ANKRD26: variants seen among roughly 807,000 people sequenced by gnomAD.
ANKRD26 encodes the protein ankyrin repeat domain-containing protein 26.
In ANKRD26, 141 loss-of-function variants were observed where a neutral mutation model predicts 208.7. The ratio of observed to expected loss-of-function variants is 0.68; its 90% CI spans 0.59 to 0.78. ANKRD26 has a LOEUF of 0.78. Ranked by LOEUF, ANKRD26 falls within the 30% of genes least tolerant of loss-of-function variation. The pLI is 0.00. For synonymous variants in ANKRD26, 636 were observed against 660.4 expected, an observed-to-expected ratio of 0.96 and a Z score of 0.57; for missense variants, 1,889 against 1,938.7, an observed-to-expected ratio of 0.97 and a Z score of 0.48.
chr10:27,011,586 C>T (rs754825546), intron 32 of ANKRD26, among the ~76,000 whole-genome samples: 36 of 152,178 alleles, frequency 2.4e-4, no homozygotes, highest in Middle Eastern at 3.4e-3. Flanking sequence ...GAAATGAAGT[C>T]GTACTATGAG....
intron 32 of ANKRD26, among the ~76,000 whole-genome samples, chr10:27,011,940 C>T (rs1162315625): frequency 2.0e-5 from 3 of 152,296 alleles, no homozygotes; most frequent in African/African-American, 4.8e-5. Flanking sequence ...GTAATAGACA[C>T]ATTTTACAAA....
At position 27,044,232 on chromosome 10, in the gene ANKRD26, A is replaced by C. The variant is rs747893067; in HGVS notation, c.1986-42T>G. ...CCTTTCAGGCAAATAGTAAACATGT[A>C]AAATGCAAGGAATATCTAAAACTAT... On this transcript the variant is annotated intron_variant, in intron 18 of 33. Transcript: ENST00000376087. 3 of 1,393,074 alleles carry C rather than the reference A, an allele frequency of 2.2e-6. No homozygotes were observed. In the East Asian group the frequency reaches 7.7e-5, roughly 36 times the overall value. The allele number at this position is 1,393,074 out of a possible 1,614,324, so 86.3% of individuals were successfully genotyped here.
intron 19 of ANKRD26, 30 bp from the exon 20 acceptor site, chr10:27,043,597 G>C (rs745328137): frequency 6.3e-7 from 1 of 1,597,878 alleles, no homozygotes; most frequent in Non-Finnish European, 8.6e-7. Flanking sequence ...GTTTCAAAAT[G>C]TCCCCAGAAT....
At chr10:27,031,378 T>C (rs1190832552) in intron 25 of ANKRD26, among the ~76,000 whole-genome samples, 2 of 152,200 alleles carry the variant, frequency 1.3e-5, no homozygotes, top group South Asian at 2.1e-4. Flanking sequence ...AGTACTGATA[T>C]GTGCTACAAC....
rs559507483 is a variant in ANKRD26 at position 27,045,512 on chromosome 10, T to G, written c.1985+841A>C. 3.9e-5 allele frequency among the ~76,000 whole-genome samples: 6 copies of G among 152,272 alleles called. No homozygotes were observed. The South Asian group carries it at 1.2e-3, about 32-fold the overall frequency. On this transcript the variant is annotated intron_variant, in intron 18 of 33. Coordinates refer to ENST00000376087, the MANE Select transcript of ANKRD26 (RefSeq NM_014915.3). ...ACATGGTTTTTAATATTTTAGAACT[T>G]TATAATCTAAAAGTAATAGTCTGTG...
At chr10:26,979,249 A>C (rs1190043442) in intron 5 of ANKRD26, among the ~76,000 whole-genome samples, 2 of 152,122 alleles carry the variant, frequency 1.3e-5, no homozygotes, top group East Asian at 1.9e-4. Context: ...TAAAACCAAA[A>C]GGTCACATCA....
At chr10:26,960,237 A>G in the ANKRD26 span, among the ~76,000 whole-genome samples, 1 of 152,234 alleles carries the variant, frequency 6.6e-6, no homozygotes, top group Non-Finnish European at 1.5e-5. Flanking sequence ...AAGGTGGCAG[A>G]AATGACCCTG....
chr10:26,990,998 G>A (rs74337979), downstream of ANKRD26, among the ~76,000 whole-genome samples: 475 of 152,316 alleles, frequency 3.1e-3, 17 homozygotes, highest in East Asian at 0.071. Flanking sequence ...TGCCTGCGCA[G>A]AAGCAGACAA....
intron 30 of ANKRD26, among the ~76,000 whole-genome samples, chr10:27,016,272 A>T (rs935888620): frequency 2.6e-5 from 4 of 152,062 alleles, no homozygotes; most frequent in Admixed American, 2.6e-4. Context: ...TACAGGTGTG[A>T]GCTACCATGC....
Position 27,064,043 on chromosome 10 carries a change from A to T in ANKRD26, c.1308T>A (p.Pro436=). ...CTTTTCCGTCTGCAGCCCCAGCTAA[A>T]GGATCAACATACTTCTGTGGAAAAT... ...SENFPQKYVD[P]LAGAADGKEK... Residue 436 remains proline, a synonymous_variant, in exon 12 of 34, where the codon CCT becomes CCA. Coordinates refer to ENST00000376087, the MANE Select transcript of ANKRD26 (RefSeq NM_014915.3). The T allele has an allele frequency of 6.2e-7, 1 of 1,611,746 alleles. No homozygotes were observed. The highest frequency in any genetic ancestry group is 8.5e-7 in the Non-Finnish European group (1 of 1,179,698).
At chr10:27,046,653 A>G in intron 17 of ANKRD26, 130 bp from the exon 18 acceptor site, 1 of 866,694 alleles carries the variant, frequency 1.2e-6, no homozygotes, top group Non-Finnish European at 1.7e-6. Context: ...TAGTAATTCT[A>G]ACAAAGAATA....
At chr10:27,029,097 G>T in intron 26 of ANKRD26, 152 bp from the exon 27 acceptor site, 1 of 1,006,480 alleles carries the variant, frequency 9.9e-7, no homozygotes, top group Non-Finnish European at 1.5e-6. Flanking sequence ...TCTAGTTGTG[G>T]TTTGTGGATA....
In ANKRD26 at chr10:27,048,824, C is replaced by G; in HGVS notation, c.1791G>C (p.Arg597Ser). ...ACCTAGCATACTCTTTATTTTCCTT[C>G]CTGGGAAATTGCTGATGATCAGTTT... ...SGETDHQQFPRKENKEYASSG... is the reference protein window; with the variant it reads ...SGETDHQQFPSKENKEYASSG... The change falls in exon 17 of 34, where the codon AGG becomes AGC. Residue 597 changes from arginine to serine, a missense_variant. This residue lies in a region of ANKRD26 where 1,272 missense variants were observed against 1,273.8 expected (regional missense o/e 1.00). Transcript: ENST00000376087. 6.2e-7 allele frequency: 1 copy of G among 1,613,142 alleles called. No individual in the cohort carries two copies. The highest frequency in any genetic ancestry group is 8.5e-7 in the Non-Finnish European group (1 of 1,179,654).
In ANKRD26 at chr10:27,012,755, T is replaced by C. The variant is rs2053158928; in HGVS notation, c.4953+127A>G. 5 of 851,472 alleles carry C rather than the reference T, an allele frequency of 5.9e-6. No homozygotes were observed. The Admixed American group carries it at 1.1e-4, about 19-fold the overall frequency. The allele number at this position is 851,472 out of a possible 1,614,324, so 52.7% of individuals were successfully genotyped here. ...CTGAACCTAGACATAGAGGTTGCAG[T>C]GAGCCAAGATGGCACCACTGCACTC... On this transcript the variant is annotated intron_variant, in intron 32 of 33. Transcript: ENST00000376087.
intron 4 of ANKRD26, among the ~76,000 whole-genome samples, chr10:26,998,854 CGAG>C (rs2052655188): frequency 6.6e-6 from 1 of 151,830 alleles, no homozygotes; most frequent in Admixed American, 6.6e-5. Context: ...GAGTAGCAGT[CGAG>C]GAGGGGAAGA....
At chr10:26,967,056 G>T in the ANKRD26 span, among the ~76,000 whole-genome samples, 1 of 152,170 alleles carries the variant, frequency 6.6e-6, no homozygotes, top group African/African-American at 2.4e-5. Context: ...ACCCGATGAC[G>T]TGTGAGTATC....
intron 5 of ANKRD26, among the ~76,000 whole-genome samples, chr10:26,994,565 T>C (rs1193439096): frequency 6.6e-6 from 1 of 152,198 alleles, no homozygotes; most frequent in African/African-American, 2.4e-5. Context: ...TGTTTTTAAG[T>C]GTTTCAGGTT....
intron 5 of ANKRD26, among the ~76,000 whole-genome samples, chr10:26,977,803 G>C (rs1255365192): frequency 6.6e-6 from 1 of 152,100 alleles, no homozygotes; most frequent in Admixed American, 6.6e-5. Context: ...ATACCTTCAG[G>C]GCAAAGGAGA....
chr10:27,060,350 T>G lies in ANKRD26; in HGVS notation c.1559A>C (p.Lys520Thr), dbSNP rs2055009064. Residue 520 changes from lysine to threonine, a missense_variant, in exon 15 of 34, where the codon AAA (lysine) becomes ACA (threonine). Physicochemically the swap from Lys to Thr is moderately conservative, Grantham distance 78 (BLOSUM62 -1). Around this residue, in one of 3 missense-constraint regions of ANKRD26, gnomAD observed 1,272 missense variants for 1,273.8 expected, o/e 1.00. Transcript: ENST00000376087. ...ATATATATTGCAACATTTACCTGCT[T>G]TGGATGTTTGTACATCCTTCATTCC... ...AGGMKDVQTS[K>T]AAEHDLEVAS... 1 of 1,603,616 alleles carries G rather than the reference T, an allele frequency of 6.2e-7. No individual in the cohort carries two copies. Among genetic ancestry groups the G allele is most frequent in the Admixed American group, 1.7e-5 (1 of 59,980 alleles).
Sources: gnomAD v4.1 joint callset for allele counts (sites outside exome capture counted in the v4.1 genomes callset) on GRCh38, gnomAD v4.1.1 for gene constraint, gnomAD v4.1.1 regional missense constraint, MANE v1.5 for transcripts, NCBI Gene and HGNC (gene_info 2026-07-23, HGNC 2026-07-21) for gene names.